FBXL17: variants seen among roughly 807,000 people sequenced by gnomAD.
FBXL17 encodes F-box and leucine rich repeat protein 17, also known as F-box/LRR-repeat protein 17.
A neutral mutation model predicts 66.2 loss-of-function variants in FBXL17; 22 were observed. The ratio of observed to expected loss-of-function variants is 0.33; its 90% CI spans 0.24 to 0.47. The LOEUF (loss-of-function observed/expected upper bound fraction) is 0.47, where lower values mean the gene tolerates loss of function less well. FBXL17 is among the 20% of genes least tolerant of loss of function. The pLI, the probability that FBXL17 is intolerant of heterozygous loss-of-function variation, is 1.00. For synonymous variants in FBXL17, 474 were observed against 400.5 expected (o/e 1.18, Z -2.19); for missense variants, 878 against 948.2 (o/e 0.93, Z 0.97).
intron 7 of FBXL17, among the ~76,000 whole-genome samples, chr5:107,977,389 C>T (rs1226409646): frequency 1.3e-5 from 2 of 152,122 alleles, no homozygotes; most frequent in African/African-American, 4.8e-5. Flanking sequence ...TTTATTATTG[C>T]TAAACTTTCA....
intron 7 of FBXL17, among the ~76,000 whole-genome samples, chr5:107,911,147 C>T (rs1372912287): frequency 1.3e-5 from 2 of 152,038 alleles, no homozygotes; most frequent in Admixed American, 1.3e-4. Context: ...GATACACAGT[C>T]ATTATGTAAG....
intron 5 of FBXL17, among the ~76,000 whole-genome samples, chr5:108,188,865 A>C (rs1455370827): frequency 3.3e-5 from 5 of 152,208 alleles, no homozygotes; most frequent in African/African-American, 4.8e-5. Context: ...CTAAAGGTAC[A>C]TAAAAAAGAC....
chr5:108,052,185 T>C (rs971682073), intron 6 of FBXL17, among the ~76,000 whole-genome samples: 2 of 144,948 alleles, frequency 1.4e-5, no homozygotes, highest in Non-Finnish European at 3.0e-5. Context: ...CTATTCAACA[T>C]AGTATTGGAA....
intron 4 of FBXL17, among the ~76,000 whole-genome samples, chr5:108,293,189 A>G (rs1758193079): frequency 6.6e-6 from 1 of 152,186 alleles, no homozygotes; most frequent in Non-Finnish European, 1.5e-5. Context: ...TATTGCTCAT[A>G]CTTTAAATAT....
chr5:108,247,148 A>AT lies in FBXL17; in HGVS notation c.1507-22921dup, dbSNP rs1472791123. Among the ~76,000 whole-genome samples, 11 of 152,338 alleles carry AT rather than the reference A, an allele frequency of 7.2e-5. No homozygotes were observed. The East Asian group carries it at 2.1e-3, about 29-fold the overall frequency. On this transcript the variant is annotated intron_variant, in intron 4 of 8. Coordinates refer to ENST00000542267, the MANE Select transcript of FBXL17 (RefSeq NM_001163315.3). ...AATGTGCACAAGTATCCACAATAAC[A>AT]TGAGATAAATGCTAAAACGATTATG...
intron 4 of FBXL17, among the ~76,000 whole-genome samples, chr5:108,322,631 C>CCA (rs1759671249): frequency 1.3e-5 from 2 of 151,722 alleles, no homozygotes; most frequent in Admixed American, 1.3e-4. Context: ...CATTTTTGAA[C>CCA]CACAACGCTT....
chr5:108,043,676 C>T (rs1431223190), intron 6 of FBXL17, among the ~76,000 whole-genome samples: 13 of 152,146 alleles, frequency 8.5e-5, no homozygotes. Context: ...CCCAACTTCA[C>T]TGTTTTTTAA....
At chr5:108,289,524 C>T (rs1225228224) in intron 4 of FBXL17, among the ~76,000 whole-genome samples, 1 of 151,928 alleles carries the variant, frequency 6.6e-6, no homozygotes, top group African/African-American at 2.4e-5. Flanking sequence ...GATTATTGGC[C>T]GTTCATTAGG....
intron 4 of FBXL17, among the ~76,000 whole-genome samples, chr5:108,247,136 A>G (rs1236064352): frequency 6.6e-6 from 1 of 152,220 alleles, no homozygotes. Context: ...GTGCACAAGT[A>G]TCCACAATAA....
At chr5:108,071,634 C>G (rs1225187607) in intron 6 of FBXL17, among the ~76,000 whole-genome samples, 7 of 145,134 alleles carry the variant, frequency 4.8e-5, no homozygotes, top group Admixed American at 1.4e-4. Flanking sequence ...TTTCCCCTCT[C>G]TTAGTCTCTT....
At position 108,367,968 on chromosome 5, in the gene FBXL17, C is replaced by A; in HGVS notation, c.994-15G>T. 2 of 1,548,664 alleles carry A rather than the reference C, an allele frequency of 1.3e-6. No individual in the cohort carries two copies. Among genetic ancestry groups the A allele is most frequent in the African/African-American group, 1.4e-5 (1 of 72,944 alleles). ...TTGGAAAATATCTGTGAATAAAAAA[C>A]GGTACCATATAATATGTGCTAAACA... On this transcript the variant is annotated splice_polypyrimidine_tract_variant and intron_variant, in intron 1 of 8. Transcript: ENST00000542267.
rs1749902782 is a variant in FBXL17, at chr5:108,381,377, C to T, written c.315G>A (p.Ala105=). The T allele has an allele frequency of 2.3e-6, 3 of 1,326,152 alleles. No homozygotes were observed. Among genetic ancestry groups the T allele is most frequent in the African/African-American group, 1.5e-5 (1 of 64,606 alleles). 82.1% of individuals were successfully genotyped at this position (1,326,152 alleles called of 1,614,324 possible). The change falls in exon 1 of 9, where the codon GCG becomes GCA. Residue 105 remains alanine (A), a synonymous_variant. Transcript: ENST00000542267. ...CGGCGCAGTCCTCGGCGGCCAGGGC[C>T]GCGTAGCGCCGCGCCAGGTGCTGAG... ...SSSQHLARRY[A]ALAAEDCAAA...
chr5:108,127,468 ACAGT>A (rs1433716209), intron 6 of FBXL17, among the ~76,000 whole-genome samples: 2 of 152,200 alleles, frequency 1.3e-5, no homozygotes, highest in African/African-American at 2.4e-5. Flanking sequence ...AATAAAATGC[ACAGT>A]CAAATTGGCA....
rs1185138500 is a variant in FBXL17 at position 107,997,101 on chromosome 5, G to A, written c.1822+23824C>T. On this transcript the variant is annotated intron_variant, in intron 7 of 8. Transcript: ENST00000542267. ...AAACTTACAGCATGGAGTATTCCGG[G>A]ATGAGAGATTTTATCTAAGTAGGCA... is the stretch of plus-strand genomic sequence containing the variant. 3.3e-5 allele frequency among the ~76,000 whole-genome samples: 5 copies of A among 152,176 alleles called. No individual in the cohort carries two copies. In the East Asian group the frequency reaches 9.6e-4, roughly 29 times the overall value.
At chr5:108,312,235 T>C (rs1759155569) in intron 4 of FBXL17, among the ~76,000 whole-genome samples, 1 of 152,118 alleles carries the variant, frequency 6.6e-6, no homozygotes, top group African/African-American at 2.4e-5. Context: ...CTAGTCTCTC[T>C]CAACTCCCAT....
rs2112676141 is a variant in FBXL17, at chr5:108,381,084, C to T, written c.608G>A (p.Gly203Glu). The T allele has an allele frequency of 1.6e-6, 2 of 1,264,500 alleles. No homozygotes were observed. Among genetic ancestry groups the T allele is most frequent in the Admixed American group, 4.2e-5 (1 of 23,848 alleles). 78.3% of individuals were successfully genotyped at this position (1,264,500 alleles called of 1,614,324 possible). The change falls in exon 1 of 9, where the codon GGG (glycine) becomes GAG (glutamate). Residue 203 changes from glycine (G) to glutamate (E), a missense_variant. Coordinates refer to ENST00000542267, the MANE Select transcript of FBXL17 (RefSeq NM_001163315.3). ...PEMVCKRKGA[G>E]VPACTPCKQP... ...CTTGCAGGGGGTGCAGGCGGGGACC[C>T]CGGCCCCCTTCCGCTTGCACACCAT...
intron 7 of FBXL17, among the ~76,000 whole-genome samples, chr5:107,933,564 G>A (rs1475010318): frequency 6.6e-6 from 1 of 152,130 alleles, no homozygotes; most frequent in Non-Finnish European, 1.5e-5. Flanking sequence ...AAACATGCAA[G>A]GAATTTATGG....
rs367881677 is a variant in FBXL17, at chr5:108,351,143, T to C, written c.1375-2613A>G. Reference sequence around the variant, plus strand: ...ACTAGGTAAAGAAATAAAAAGACATTTATTAATTCCAATGAAAACAAAATG... The same window carrying C: ...ACTAGGTAAAGAAATAAAAAGACATCTATTAATTCCAATGAAAACAAAATG... On this transcript the variant is annotated intron_variant, in intron 3 of 8. Coordinates refer to ENST00000542267, the MANE Select transcript of FBXL17 (RefSeq NM_001163315.3). Among the ~76,000 whole-genome samples the C allele has an allele frequency of 8.6e-5, 13 of 152,008 alleles. No homozygotes were observed. The East Asian group carries it at 1.5e-3, about 18-fold the overall frequency.
At chr5:108,275,575 A>G (rs995360574) in intron 4 of FBXL17, among the ~76,000 whole-genome samples, 2 of 152,214 alleles carry the variant, frequency 1.3e-5, no homozygotes, top group Non-Finnish European at 2.9e-5. Context: ...AGGAACTAAT[A>G]TCAATGAAGT....
Sources: allele counts gnomAD v4.1 joint callset (sites outside exome capture counted in the v4.1 genomes callset), GRCh38; gene constraint gnomAD v4.1.1; transcripts MANE v1.5; gene names NCBI Gene and HGNC (gene_info 2026-07-23, HGNC 2026-07-21).